Variants in PDS5B observed in about 807,000 individuals in gnomAD.
PDS5B encodes the protein sister chromatid cohesion protein PDS5 homolog B.
Under a neutral mutation model 184.1 loss-of-function variants are expected in PDS5B, and 51 were observed. The observed-to-expected ratio is 0.28, with a 90% confidence interval of 0.22 to 0.35. PDS5B has a LOEUF of 0.35. Ranked by LOEUF, PDS5B falls within the 10% of genes least tolerant of loss-of-function variation. The probability of loss-of-function intolerance (pLI) is 1.00; values close to 1 mark genes in which losing one functional copy is unlikely to be tolerated. For synonymous variants in PDS5B, 566 were observed against 569.2 expected, an observed-to-expected ratio of 0.99 and a Z score of 0.08; for missense variants, 1,180 against 1,723.3, an observed-to-expected ratio of 0.68 and a Z score of 5.58.
intron 1 of PDS5B, among the ~76,000 whole-genome samples, chr13:32,640,605 A>T (rs2058644092): frequency 6.6e-6 from 1 of 152,234 alleles, no homozygotes; most frequent in Admixed American, 6.5e-5. Flanking sequence ...ATGTAAATAT[A>T]ATAATATGCA....
intron 1 of PDS5B, among the ~76,000 whole-genome samples, chr13:32,635,970 C>T (rs1041635970): frequency 2.6e-5 from 4 of 151,732 alleles, no homozygotes; most frequent in African/African-American, 9.7e-5. Context: ...GGGGTTTCAC[C>T]GTGTTAGCCA....
rs59035802 is a variant in PDS5B at position 32,604,438 on chromosome 13, G to A, written c.-20+17845G>A. On this transcript the variant is annotated intron_variant, in intron 1 of 34. Transcript: ENST00000315596. ...CAGGGATGAAGCCAACTTGATCATGGTGGATAAGCTTTTTGATGTGCTGCT... is the reference window on the plus strand; with the variant it reads ...CAGGGATGAAGCCAACTTGATCATGATGGATAAGCTTTTTGATGTGCTGCT... 8.2e-3 allele frequency among the ~76,000 whole-genome samples: 1,254 copies of A among 152,312 alleles called. 17 individuals are homozygous for A. The highest frequency in any genetic ancestry group is 0.028 in the African/African-American group (1,165 of 41,560).
At chr13:32,727,766 C>G (rs148861006) in intron 19 of PDS5B, among the ~76,000 whole-genome samples, 5 of 151,586 alleles carry the variant, frequency 3.3e-5, no homozygotes, top group Non-Finnish European at 7.4e-5. Flanking sequence ...AATGGTTTAT[C>G]TTTTTTCTGC....
chr13:32,592,142 A>G (rs892824844), intron 1 of PDS5B, among the ~76,000 whole-genome samples: 7 of 152,190 alleles, frequency 4.6e-5, no homozygotes, highest in African/African-American at 9.7e-5. Flanking sequence ...ACCTTCAACT[A>G]TCATTTCATT....
At position 32,770,473 on chromosome 13, in the gene PDS5B, A is replaced by C; in HGVS notation, c.3977A>C (p.Glu1326Ala). The C allele has an allele frequency of 8.1e-6, 13 of 1,612,526 alleles. No homozygotes were observed. Among genetic ancestry groups the C allele is most frequent in the Non-Finnish European group, 1.0e-5 (12 of 1,179,676 alleles). The change falls in exon 32 of 35, where the codon GAG becomes GCG. Residue 1326 changes from glutamate (E) to alanine (A), a missense_variant. Physicochemically the swap from Glu to Ala is moderately radical, Grantham distance 107. Around this residue, in one of 11 missense-constraint regions of PDS5B, gnomAD observed 465 missense variants for 497.8 expected, o/e 0.93. Transcript: ENST00000315596. Reference sequence around the variant, plus strand: ...AAATCTGGACCTCCAGCACCAGAGGAGGAGGAAGAAGAAGAAAGACAAAGT... The same window carrying C: ...AAATCTGGACCTCCAGCACCAGAGGCGGAGGAAGAAGAAGAAAGACAAAGT... Reference protein sequence around the residue: ...KKKSGPPAPEEEEEEERQSGN... With the variant: ...KKKSGPPAPEAEEEEERQSGN...
At chr13:32,601,828 C>T (rs1230347960) in intron 1 of PDS5B, among the ~76,000 whole-genome samples, 1 of 152,156 alleles carries the variant, frequency 6.6e-6, no homozygotes, top group Non-Finnish European at 1.5e-5. Context: ...CAAGAGGGAA[C>T]TACATTGAAT....
intron 18 of PDS5B, 131 bp from the exon 19 acceptor site, chr13:32,709,815 C>A: frequency 2.4e-6 from 1 of 421,346 alleles, no homozygotes. Flanking sequence ...ATTTATAGTG[C>A]TCTCAGATTT....
intron 19 of PDS5B, among the ~76,000 whole-genome samples, chr13:32,727,528 AAGTCT>A (rs773893675): frequency 1.3e-5 from 2 of 151,984 alleles, no homozygotes; most frequent in African/African-American, 2.4e-5. Flanking sequence ...TGGTCTGAAA[AAGTCT>A]TTATTTTTCC....
At chr13:32,750,527 C>T (rs1452636352) in intron 24 of PDS5B, among the ~76,000 whole-genome samples, 1 of 151,902 alleles carries the variant, frequency 6.6e-6, no homozygotes, top group African/African-American at 2.4e-5. Context: ...CTTCCCCTTC[C>T]CTCCCTACAG....
At chr13:32,753,626 T>A (rs186776734) in intron 25 of PDS5B, 90 bp downstream of exon 25, 1 of 772,822 alleles carries the variant, frequency 1.3e-6, no homozygotes, top group South Asian at 2.8e-5. Flanking sequence ...ATTACTGTTA[T>A]TTATTATTTG....
At chr13:32,708,507 C>A (rs1405435239) in intron 18 of PDS5B, among the ~76,000 whole-genome samples, 2 of 151,976 alleles carry the variant, frequency 1.3e-5, no homozygotes. Flanking sequence ...AGAGAGTGAC[C>A]ACTTTCAAAA....
intron 29 of PDS5B, among the ~76,000 whole-genome samples, chr13:32,760,122 A>C (rs934885395): frequency 6.6e-6 from 1 of 151,928 alleles, no homozygotes; most frequent in Non-Finnish European, 1.5e-5. Flanking sequence ...CGCCTGGCTA[A>C]TTTTTTGTAT....
chr13:32,696,688 C>A (rs772150689), intron 14 of PDS5B, among the ~76,000 whole-genome samples, 166 bp from the exon 15 acceptor site: 6 of 152,088 alleles, frequency 3.9e-5, no homozygotes, highest in Non-Finnish European at 7.4e-5. Flanking sequence ...TACCTCCTGT[C>A]CAGTTTATCT....
intron 1 of PDS5B, among the ~76,000 whole-genome samples, chr13:32,605,697 G>C (rs1290850771): frequency 6.6e-6 from 1 of 152,078 alleles, no homozygotes; most frequent in East Asian, 1.9e-4. Context: ...TTATTGTGTG[G>C]GAGTCTAAGT....
chr13:32,656,776 TA>T (rs1158634892), intron 3 of PDS5B, among the ~76,000 whole-genome samples: 1 of 152,066 alleles, frequency 6.6e-6, no homozygotes, highest in East Asian at 1.9e-4. Context: ...TTCGTATTTT[TA>T]GTAGAGATGG....
intron 1 of PDS5B, among the ~76,000 whole-genome samples, chr13:32,639,177 T>G (rs2058616566): frequency 6.6e-6 from 1 of 152,116 alleles, no homozygotes; most frequent in Admixed American, 6.5e-5. Flanking sequence ...TTCTGTGCGG[T>G]TAGAAACTGA....
At chr13:32,687,084 T>A (rs1230210864) in intron 11 of PDS5B, 50 bp from the exon 12 acceptor site, 1 of 1,427,540 alleles carries the variant, frequency 7.0e-7, no homozygotes, top group African/African-American at 1.5e-5. Flanking sequence ...TTCCTTAATT[T>A]ATATAATGGA....
chr13:32,713,763 T>G (rs1952279988), intron 19 of PDS5B, among the ~76,000 whole-genome samples: 2 of 152,084 alleles, frequency 1.3e-5, no homozygotes, highest in South Asian at 4.1e-4. Context: ...AATAATAAAT[T>G]TGTTCTGAAT....
rs1269504572 is a variant in PDS5B at position 32,716,605 on chromosome 13, G to T, written c.2123+6499G>T. Among the ~76,000 whole-genome samples the T allele has an allele frequency of 4.0e-5, 6 of 150,378 alleles. No individual in the cohort carries two copies. The South Asian group carries it at 1.3e-3, about 32-fold the overall frequency. ...CCCCGCCAGGCCAGCCGCCCCATCC[G>T]GGAGGGAGGTGGGGGGGTCAGCCCC... On this transcript the variant is annotated intron_variant, in intron 19 of 34. Coordinates refer to ENST00000315596, the MANE Select transcript of PDS5B (RefSeq NM_015032.4).
Sources: allele counts gnomAD v4.1 joint callset (sites outside exome capture counted in the v4.1 genomes callset), GRCh38; gene constraint gnomAD v4.1.1; regional missense constraint gnomAD v4.1.1; transcripts MANE v1.5; gene names NCBI Gene and HGNC (gene_info 2026-07-23, HGNC 2026-07-21).